CELF2: variants seen among roughly 807,000 people sequenced by gnomAD.
CELF2 encodes CUG triplet repeat RNA-binding protein 2.
Under a neutral mutation model 62.6 loss-of-function variants are expected in CELF2, and 8 were observed. The observed-to-expected ratio is 0.13, with a 90% CI of 0.07 to 0.23. The LOEUF is 0.23. CELF2 is among the 10% of genes least tolerant of loss of function. The pLI, the probability that CELF2 is intolerant of heterozygous loss-of-function variation, is 1.00. For missense variants in CELF2, 333 were observed against 671.0 expected, an observed-to-expected ratio of 0.50 and a Z score of 5.56; for synonymous variants, 258 against 250.0, an observed-to-expected ratio of 1.03 and a Z score of -0.30.
intron 5 of CELF2, among the ~76,000 whole-genome samples, chr10:11,263,137 G>A (rs1396908594): frequency 6.6e-6 from 1 of 151,824 alleles, no homozygotes; most frequent in Non-Finnish European, 1.5e-5. Flanking sequence ...TCTGTAGGAG[G>A]AAATTACTTT....
the CELF2 span, among the ~76,000 whole-genome samples, chr10:10,498,306 A>G: frequency 6.6e-6 from 1 of 152,236 alleles, no homozygotes; most frequent in East Asian, 1.9e-4. Flanking sequence ...AGTAAGGAGA[A>G]CCAGGAAGGG....
At chr10:10,999,122 C>T (rs2054264151) in intron 2 of CELF2, among the ~76,000 whole-genome samples, 1 of 152,086 alleles carries the variant, frequency 6.6e-6, no homozygotes, top group African/African-American at 2.4e-5. Context: ...TTTGTCTCTC[C>T]CTGTTCTAGC....
At position 10,820,854 on chromosome 10, in the gene CELF2, T is replaced by C. The variant is rs188502551; in HGVS notation, c.53+22037T>C. ...CTTCAAACAGAGCACCACTAAGAGATTTGCATTTCTACAAGTTCATTCTGA... is the reference window on the plus strand; with the variant it reads ...CTTCAAACAGAGCACCACTAAGAGACTTGCATTTCTACAAGTTCATTCTGA... On this transcript the variant is annotated intron_variant, in intron 1 of 13. Coordinates refer to the CELF2 transcript ENST00000636488. Among the ~76,000 whole-genome samples, 260 of 152,262 alleles carry C rather than the reference T, an allele frequency of 1.7e-3. 3 individuals carry two copies. The highest frequency in any genetic ancestry group is 2.5e-3 in the South Asian group (12 of 4,822).
the CELF2 span, among the ~76,000 whole-genome samples, chr10:10,705,140 C>T: frequency 6.6e-6 from 1 of 152,074 alleles, no homozygotes; most frequent in Non-Finnish European, 1.5e-5. Context: ...GAGCTGTGAT[C>T]GTGCCGCTGC....
In CELF2 at chr10:10,997,049, T is replaced by C. The variant is rs1250258027; in HGVS notation, c.89+77050T>C. 6.6e-6 allele frequency among the ~76,000 whole-genome samples: 1 copy of C among 152,250 alleles called. No homozygotes were observed. The highest frequency in any genetic ancestry group is 1.5e-5 in the Non-Finnish European group (1 of 68,052). On this transcript the variant is annotated intron_variant, in intron 2 of 13. Coordinates refer to the CELF2 transcript ENST00000636488. This position sits in a 1 kb window ranked among gnomAD's most constrained non-coding sequence, Gnocchi z 5.3. ...CACTCAGTTATTCACATTGTGATTC[T>C]ACTGCTAAAATCTGCTTTGGCCCTT... is the stretch of plus-strand genomic sequence containing the variant.
chr10:10,992,123 A>C (rs978768557), intron 2 of CELF2, among the ~76,000 whole-genome samples: 1 of 152,236 alleles, frequency 6.6e-6, no homozygotes, highest in Non-Finnish European at 1.5e-5. Context: ...TGCTGCAATA[A>C]GGCCACATAC....
chr10:10,624,612 G>A, the CELF2 span, among the ~76,000 whole-genome samples: 2 of 152,164 alleles, frequency 1.3e-5, no homozygotes, highest in South Asian at 2.1e-4. Context: ...CCAGCATCAT[G>A]TTTTCCGCAC....
At chr10:10,503,093 T>G in the CELF2 span, among the ~76,000 whole-genome samples, 47 of 152,102 alleles carry the variant, frequency 3.1e-4, no homozygotes, top group East Asian at 7.3e-3. Context: ...AGAGAACACA[T>G]GACGCATGAT....
At chr10:10,867,381 A>C (rs1371555210) in intron 1 of CELF2, among the ~76,000 whole-genome samples, 2 of 152,254 alleles carry the variant, frequency 1.3e-5, no homozygotes, top group Non-Finnish European at 2.9e-5. Context: ...TAACTGATTT[A>C]TTCAATTAGT....
chr10:10,507,348 A>G, the CELF2 span, among the ~76,000 whole-genome samples: 1 of 152,184 alleles, frequency 6.6e-6, no homozygotes, highest in Non-Finnish European at 1.5e-5. Context: ...CTTTTTGCTG[A>G]TACTTCCACC....
In CELF2 at chr10:11,270,563, G is replaced by T; in HGVS notation, c.619-103G>T. ...TTTAAACCATTTCAGCCCATTCCATGTGCTCCAGGCTAGTGCAGAAAGGTA... is the reference window on the plus strand; with the variant it reads ...TTTAAACCATTTCAGCCCATTCCATTTGCTCCAGGCTAGTGCAGAAAGGTA... On this transcript the variant is annotated intron_variant, in intron 6 of 12. Transcript: ENST00000633077. This position sits in a 1 kb window ranked among gnomAD's most constrained non-coding sequence, Gnocchi z 5.8. 1 of 1,006,230 alleles carries T rather than the reference G, an allele frequency of 9.9e-7. No individual in the cohort carries two copies. The highest frequency in any genetic ancestry group is 1.4e-6 in the Non-Finnish European group (1 of 735,790). 62.3% of individuals were successfully genotyped at this position (1,006,230 alleles called of 1,614,324 possible).
chr10:11,083,046 A>G (rs1199520314), intron 1 of CELF2, among the ~76,000 whole-genome samples: 2 of 152,248 alleles, frequency 1.3e-5, no homozygotes, highest in East Asian at 3.8e-4. Context: ...TGAAGGAGTC[A>G]GCCATGAGGA....
chr10:10,557,920 T>G, the CELF2 span, among the ~76,000 whole-genome samples: 2 of 142,806 alleles, frequency 1.4e-5, no homozygotes, highest in African/African-American at 5.3e-5. Flanking sequence ...CTTATCAGCT[T>G]AAGGAGATTT....
At chr10:10,661,139 G>C in the CELF2 span, among the ~76,000 whole-genome samples, 1 of 152,180 alleles carries the variant, frequency 6.6e-6, no homozygotes, top group East Asian at 1.9e-4. Flanking sequence ...TACTTCTCCA[G>C]TCCCAGAAAC....
In CELF2 at chr10:11,217,632, AC is replaced by A. The variant is rs887019286; in HGVS notation, c.354+131del. The stretch of plus-strand genomic sequence containing the variant: ...TTGGTCTTTTGAGGAGTGTGTGCTG[AC>A]CCCCCAGTTCCCTGCAGCAGCCACA... On this transcript the variant is annotated intron_variant, in intron 3 of 12. Coordinates refer to ENST00000633077, the MANE Select transcript of CELF2 (RefSeq NM_001326342.2). The surrounding 1 kb of genome is among the most constrained non-coding windows in gnomAD (Gnocchi z 5.6). 1.6e-5 allele frequency: 10 copies of A among 619,440 alleles called. No homozygotes were observed. Among genetic ancestry groups the A allele is most frequent in the African/African-American group, 7.5e-5 (4 of 53,470 alleles). 38.4% of individuals were successfully genotyped at this position (619,440 alleles called of 1,614,324 possible). A position where few individuals can be genotyped will look rare whatever the true frequency, so the allele number is the denominator to read the frequency against.
chr10:10,489,580 T>G, the CELF2 span, among the ~76,000 whole-genome samples: 1 of 152,158 alleles, frequency 6.6e-6, no homozygotes, highest in Non-Finnish European at 1.5e-5. Flanking sequence ...CAATTTTGAT[T>G]CTTATATGTC....
the CELF2 span, among the ~76,000 whole-genome samples, chr10:10,527,619 C>T: frequency 6.6e-6 from 1 of 152,126 alleles, no homozygotes; most frequent in South Asian, 2.1e-4. Context: ...AGGTCTTTAC[C>T]TTATTATAAT....
chr10:11,302,492 T>G lies in CELF2; in HGVS notation c.977-11647T>G, dbSNP rs926913939. On this transcript the variant is annotated intron_variant, in intron 9 of 12. Coordinates refer to ENST00000633077, the MANE Select transcript of CELF2 (RefSeq NM_001326342.2). This position sits in a 1 kb window ranked among gnomAD's most constrained non-coding sequence, Gnocchi z 5.0. ...CCATTAAATGTGTCTGTGGCTGCAG[T>G]GCCCCCAAAGGACAGGATTGGGCCC... Among the ~76,000 whole-genome samples, 2 of 152,138 alleles carry G rather than the reference T, an allele frequency of 1.3e-5. No individual in the cohort carries two copies. The highest frequency in any genetic ancestry group is 2.9e-5 in the Non-Finnish European group (2 of 68,018).
In CELF2 at chr10:10,931,968, G is replaced by C. The variant is rs926027004; in HGVS notation, c.89+11969G>C. Among the ~76,000 whole-genome samples, 3 of 152,092 alleles carry C rather than the reference G, an allele frequency of 2.0e-5. No individual in the cohort carries two copies. The highest frequency in any genetic ancestry group is 6.6e-5 in the Admixed American group (1 of 15,258). On this transcript the variant is annotated intron_variant, in intron 2 of 13. Transcript: ENST00000636488. This position sits in a 1 kb window ranked among gnomAD's most constrained non-coding sequence, Gnocchi z 6.1. Reference sequence around the variant, plus strand: ...TTTATAAAACCATCACATCTCATGAGTCTTATTCACTATCATGAGAACAGC... The same window carrying C: ...TTTATAAAACCATCACATCTCATGACTCTTATTCACTATCATGAGAACAGC...
Sources: gnomAD v4.1 joint callset for allele counts (sites outside exome capture counted in the v4.1 genomes callset) on GRCh38, gnomAD v4.1.1 for gene constraint, Gnocchi (gnomAD v3.1) non-coding constraint, MANE v1.5 for transcripts, NCBI Gene and HGNC (gene_info 2026-07-23, HGNC 2026-07-21) for gene names.